CASK: variants seen among roughly 807,000 people sequenced by gnomAD.
CASK encodes the protein peripheral plasma membrane protein CASK.
Under a neutral mutation model 82.9 loss-of-function variants are expected in CASK, and 4 were observed. That is an observed-to-expected ratio of 0.05 (90% confidence interval 0.02 to 0.11). The LOEUF (loss-of-function observed/expected upper bound fraction) is 0.11. CASK is among the 10% of genes least tolerant of loss of function. The pLI is 1.00. For synonymous variants in CASK, 259 were observed against 253.5 expected (o/e 1.02, Z -0.20); for missense variants, 358 against 720.9 (o/e 0.50, Z 5.76).
chrX:41,779,513 T>A (rs928373011), intron 3 of CASK, among the ~76,000 whole-genome samples: 2 of 111,794 alleles, frequency 1.8e-5, no homozygotes, highest in African/African-American at 6.5e-5. Flanking sequence ...GTCTTGGGGA[T>A]CCCTGACACA....
At chrX:41,828,021 C>T (rs1176995161) in intron 2 of CASK, among the ~76,000 whole-genome samples, 1 of 111,722 alleles carries the variant, frequency 9.0e-6, no homozygotes, top group East Asian at 2.8e-4. Context: ...AAGCACTAAG[C>T]TGAGATGCTT....
At chrX:41,639,371 C>A (rs1052170037) in intron 8 of CASK, among the ~76,000 whole-genome samples, 1 of 108,490 alleles carries the variant, frequency 9.2e-6, no homozygotes, top group Non-Finnish European at 1.9e-5. Context: ...CACGCCCAGC[C>A]TTCAACCCTG....
At chrX:41,697,496 G>A (rs747590201) in intron 5 of CASK, 1 of 112,223 alleles carries the variant, frequency 8.9e-6, no homozygotes, top group South Asian at 3.7e-4. Flanking sequence ...CATCTACAAG[G>A]TATACATCTT....
At chrX:41,854,217 G>GGC (rs760436631) in intron 1 of CASK, among the ~76,000 whole-genome samples, 3,671 of 52,437 alleles carry the variant, frequency 0.07, 110 homozygotes, top group Non-Finnish European at 0.1. Flanking sequence ...CGCGCGCGCG[G>GGC]GCGCGCGCAC....
In CASK at chrX:41,700,362, A is replaced by G. The variant is rs192025878; in HGVS notation, c.430-28832T>C. 4.0e-4 allele frequency among the ~76,000 whole-genome samples: 45 copies of G among 111,600 alleles called. No homozygotes were observed. The East Asian group carries it at 0.011, about 28-fold the overall frequency. ...AAGCAATATGAAGAGAGTTCTCCCAACAAGCAACCTGGATGCTGCAGCAAC... is the reference window on the plus strand; with the variant it reads ...AAGCAATATGAAGAGAGTTCTCCCAGCAAGCAACCTGGATGCTGCAGCAAC... On this transcript the variant is annotated intron_variant, in intron 5 of 26. Coordinates refer to ENST00000378163, the MANE Select transcript of CASK (RefSeq NM_001367721.1).
At chrX:41,793,142 A>C (rs2147846286) in intron 2 of CASK, among the ~76,000 whole-genome samples, 1 of 112,316 alleles carries the variant, frequency 8.9e-6, no homozygotes, top group Admixed American at 9.5e-5. Flanking sequence ...TGTTAATCTA[A>C]TGCAAACTCT....
At chrX:41,621,337 C>T (rs1055395655) in intron 11 of CASK, among the ~76,000 whole-genome samples, 5 of 111,588 alleles carry the variant, frequency 4.5e-5, no homozygotes, top group African/African-American at 6.5e-5. Flanking sequence ...AGTGATAAGA[C>T]GTCACTATGA....
At chrX:41,616,977 T>G (rs1397738720) in intron 11 of CASK, among the ~76,000 whole-genome samples, 1 of 112,450 alleles carries the variant, frequency 8.9e-6, no homozygotes, top group African/African-American at 3.2e-5. Context: ...AAATCAGAGA[T>G]ATGATCACCG....
At chrX:41,693,003 A>G (rs944987970) in intron 5 of CASK, among the ~76,000 whole-genome samples, 2 of 111,992 alleles carry the variant, frequency 1.8e-5, no homozygotes, top group Non-Finnish European at 3.8e-5. Flanking sequence ...GCTAAGCATT[A>G]GGTACAGAGA....
At chrX:41,609,153 T>A (rs1318175596) in intron 12 of CASK, among the ~76,000 whole-genome samples, 1 of 112,503 alleles carries the variant, frequency 8.9e-6, no homozygotes, top group East Asian at 2.8e-4. Context: ...TTCGCTCTTG[T>A]TGCCCAGGCT....
At position 41,727,536 on chromosome X, in the gene CASK, T is replaced by C. The variant is rs141461559; in HGVS notation, c.429+11848A>G. 175 of 1,204,894 alleles carry C rather than the reference T, an allele frequency of 1.5e-4. No individual in the cohort carries two copies. The highest frequency in any genetic ancestry group is 1.9e-4 in the Non-Finnish European group (165 of 890,575). On this transcript the variant is annotated intron_variant, in intron 5 of 26. Coordinates refer to ENST00000378163, the MANE Select transcript of CASK (RefSeq NM_001367721.1). The stretch of plus-strand genomic sequence containing the variant: ...TTGTACTGGGCATAATCATTCCAGT[T>C]ACCGTATACTACTCAGTCATAGAGG...
chrX:41,744,243 G>A (rs1441474896), intron 4 of CASK, among the ~76,000 whole-genome samples: 1 of 111,482 alleles, frequency 9.0e-6, no homozygotes, highest in Non-Finnish European at 1.9e-5. Context: ...ACAGGAGTGG[G>A]TAATTATGAT....
intron 8 of CASK, among the ~76,000 whole-genome samples, chrX:41,654,073 TATG>T (rs1392919519): frequency 8.9e-6 from 1 of 112,066 alleles, no homozygotes; most frequent in Non-Finnish European, 1.9e-5. Flanking sequence ...GGACTGGCTT[TATG>T]ATGACTGAGA....
chrX:41,576,626 A>G (rs2065489736), intron 15 of CASK, among the ~76,000 whole-genome samples: 2 of 112,215 alleles, frequency 1.8e-5, no homozygotes, highest in Non-Finnish European at 3.8e-5. Context: ...CTTAGTAGGG[A>G]CTTCAAAAAT....
Position 41,542,680 on chromosome X carries a change from C to T in CASK, c.2155+11G>A. 1 of 1,106,535 alleles carries T rather than the reference C, an allele frequency of 9.0e-7. No homozygotes were observed. The highest frequency in any genetic ancestry group is 3.0e-5 in the East Asian group (1 of 33,407). 91.2% of individuals were successfully genotyped at this position (1,106,535 alleles called of 1,213,427 possible). A position where few individuals can be genotyped will look rare whatever the true frequency, so the allele number is the denominator to read the frequency against. On this transcript the variant is annotated intron_variant, in intron 22 of 26. Transcript: ENST00000378163. ...TAACCCAGCCTCAGTAACAGTTGTG[C>T]TTTTCCCTACCTGCATTGTGCTTTG...
rs1423984349 is a variant in CASK, at chrX:41,588,819, T to C, written c.1233+696A>G. Among the ~76,000 whole-genome samples, 14 of 106,582 alleles carry C rather than the reference T, an allele frequency of 1.3e-4. No individual in the cohort carries two copies. In the East Asian group the frequency reaches 3.5e-3, roughly 27 times the overall value. 92.6% of individuals were successfully genotyped at this position (106,582 alleles called of 115,157 possible). A position where few individuals can be genotyped will look rare whatever the true frequency, so the allele number is the denominator to read the frequency against. ...ATACTTTAATAACAGCAAAGAAAAA[T>C]ATTGCAGTCATTAGAAGTTATATTT... On this transcript the variant is annotated intron_variant, in intron 13 of 26. Transcript: ENST00000378163.
intron 5 of CASK, among the ~76,000 whole-genome samples, chrX:41,701,361 T>G (rs774398722): frequency 8.9e-6 from 1 of 112,239 alleles, no homozygotes; most frequent in South Asian, 3.7e-4. Flanking sequence ...CCATAAAAAC[T>G]GAAGCAAAAG....
chrX:41,748,087 A>G (rs1480330832), intron 3 of CASK: 1 of 111,943 alleles, frequency 8.9e-6, no homozygotes, highest in African/African-American at 3.3e-5. Flanking sequence ...TGTAATTGTG[A>G]TATATGAGGG....
At chrX:41,606,850 G>A (rs779517069) in intron 12 of CASK, among the ~76,000 whole-genome samples, 6 of 110,076 alleles carry the variant, frequency 5.5e-5, no homozygotes, top group Non-Finnish European at 1.1e-4. Flanking sequence ...ACACCACCAT[G>A]CCCAGCTGCT....
Sources: allele counts gnomAD v4.1 joint callset (sites outside exome capture counted in the v4.1 genomes callset), GRCh38; gene constraint gnomAD v4.1.1; transcripts MANE v1.5; gene names NCBI Gene and HGNC (gene_info 2026-07-23, HGNC 2026-07-21).